Variants in REEP1 observed in about 807,000 individuals in gnomAD.
REEP1 encodes receptor expression-enhancing protein 1.
A neutral mutation model predicts 40.3 loss-of-function variants in REEP1; 22 were observed. The ratio of observed to expected loss-of-function variants is 0.55; its 90% CI spans 0.39 to 0.78. The LOEUF is 0.78. Among genes scored for constraint, REEP1 ranks in the 30% least tolerant of loss-of-function variants. The pLI, the probability that REEP1 is intolerant of heterozygous loss-of-function variation, is 0.00. For synonymous variants in REEP1, 116 were observed against 139.2 expected, an observed-to-expected ratio of 0.83 and a Z score of 1.17; for missense variants, 280 against 361.1, an observed-to-expected ratio of 0.78 and a Z score of 1.82.
intron 1 of REEP1, chr2:86,297,779 C>CCTCTT: frequency 1.0e-6 from 1 of 957,118 alleles, no homozygotes; most frequent in Non-Finnish European, 1.2e-6. Flanking sequence ...GAGGGAAATG[C>CCTCTT]CTCTTCCCAG....
At chr2:86,273,281 C>T (rs139030177) in intron 2 of REEP1, among the ~76,000 whole-genome samples, 3,966 of 149,432 alleles carry the variant, frequency 0.027, 93 homozygotes, top group Non-Finnish European at 0.038. Flanking sequence ...CTGGCCCCTA[C>T]CTTTTTTTTT....
Position 86,337,219 on chromosome 2 carries a change from C to A in REEP1, c.32+260G>T. 4.7e-6 allele frequency: 1 copy of A among 214,790 alleles called. No homozygotes were observed. Among genetic ancestry groups the A allele is most frequent in the Non-Finnish European group, 9.1e-6 (1 of 109,706 alleles). 13.3% of individuals were successfully genotyped at this position (214,790 alleles called of 1,614,324 possible). On this transcript the variant is annotated intron_variant, in intron 1 of 8. Transcript: ENST00000538924. The surrounding 1 kb of genome is among the most constrained non-coding windows in gnomAD (Gnocchi z 5.8). ...CGAGACGCAGCCCCCACGGAACCCCCGAGCGCCCCAGCCCTCGCCGTCCCG... is the reference window on the plus strand; with the variant it reads ...CGAGACGCAGCCCCCACGGAACCCCAGAGCGCCCCAGCCCTCGCCGTCCCG...
chr2:86,221,755 A>G (rs1256636121), intron 7 of REEP1, among the ~76,000 whole-genome samples: 1 of 152,178 alleles, frequency 6.6e-6, no homozygotes, highest in East Asian at 1.9e-4. Context: ...ACTAAACTAA[A>G]TAGAATCCTG....
intron 1 of REEP1, among the ~76,000 whole-genome samples, chr2:86,303,565 A>C (rs578092178): frequency 1.2e-4 from 18 of 151,652 alleles, no homozygotes; most frequent in Non-Finnish European, 2.4e-4. Flanking sequence ...GGGTCTTGCT[A>C]TGTTTCCCAG....
chr2:86,318,481 C>G (rs1249637583), intron 1 of REEP1, among the ~76,000 whole-genome samples: 2 of 150,972 alleles, frequency 1.3e-5, no homozygotes, highest in African/African-American at 2.4e-5. Context: ...CCACTGCAAC[C>G]TCCGCCTCCC....
chr2:86,295,786 G>A (rs539231620), intron 1 of REEP1, among the ~76,000 whole-genome samples: 21 of 152,266 alleles, frequency 1.4e-4, no homozygotes, highest in Admixed American at 5.2e-4. Flanking sequence ...TGATCCGCCC[G>A]CCTTGGCCTC....
intron 6 of REEP1, among the ~76,000 whole-genome samples, chr2:86,230,386 C>T (rs1289515523): frequency 6.6e-6 from 1 of 152,234 alleles, no homozygotes; most frequent in African/African-American, 2.4e-5. Flanking sequence ...CAGCCCAGTG[C>T]ACAACCTCTC....
intron 1 of REEP1, among the ~76,000 whole-genome samples, chr2:86,288,739 A>G (rs1040438494): frequency 6.6e-6 from 1 of 152,142 alleles, no homozygotes; most frequent in African/African-American, 2.4e-5. Context: ...AGTGTCTAAG[A>G]TTTTAATACT....
chr2:86,258,748 C>T (rs1029149931), intron 3 of REEP1, among the ~76,000 whole-genome samples: 1 of 152,212 alleles, frequency 6.6e-6, no homozygotes, highest in African/African-American at 2.4e-5. Flanking sequence ...AATGAGAACT[C>T]CTTGAAGAGC....
chr2:86,320,090 C>T (rs1680211921), intron 1 of REEP1, among the ~76,000 whole-genome samples: 1 of 152,208 alleles, frequency 6.6e-6, no homozygotes, highest in Admixed American at 6.5e-5. Flanking sequence ...CACTAGGAAA[C>T]TAATTCAGAC....
In REEP1 at chr2:86,216,191, G is replaced by A. The variant is rs1674104279; in HGVS notation, c.*848C>T. 6.6e-6 allele frequency: 1 copy of A among 152,162 alleles called. No homozygotes were observed. 9.4% of individuals were successfully genotyped at this position (152,162 alleles called of 1,614,324 possible). A position where few individuals can be genotyped will look rare whatever the true frequency, so the allele number is the denominator to read the frequency against. ...CAGCTCTACATGTTCCCATCCTCAAGAAATTGCACCAAGAGTGAGCTACCT... is the reference window on the plus strand; with the variant it reads ...CAGCTCTACATGTTCCCATCCTCAAAAAATTGCACCAAGAGTGAGCTACCT... On this transcript the variant is annotated 3_prime_UTR_variant, in exon 9 of 9. Coordinates refer to ENST00000538924, the MANE Select transcript of REEP1 (RefSeq NM_001371279.1).
chr2:86,255,947 T>C (rs1012180965), intron 3 of REEP1, among the ~76,000 whole-genome samples: 1 of 152,098 alleles, frequency 6.6e-6, no homozygotes, highest in Non-Finnish European at 1.5e-5. Context: ...GTAGTAACCA[T>C]GTGTTTATGG....
intron 1 of REEP1, among the ~76,000 whole-genome samples, chr2:86,320,407 C>T (rs1224271902): frequency 6.6e-6 from 1 of 152,116 alleles, no homozygotes; most frequent in African/African-American, 2.4e-5. Context: ...ACCTTTGACC[C>T]AGGCCTAAAG....
chr2:86,217,106 G>C lies in REEP1; in HGVS notation c.788C>G (p.Pro263Arg). 1 of 1,613,804 alleles carries C rather than the reference G, an allele frequency of 6.2e-7. No homozygotes were observed. The part of the protein sequence containing the change: ...PRRMELPLEA[P>R]PRILRSRFRK... ...GAAGCGAGATCGAAGGATTCTAGGC[G>C]GTGCCTGGTAGAGAAAACAGAAAGG... The change falls in exon 9 of 9, where the codon CCG (proline) becomes CGG (arginine). Residue 263 changes from proline (P) to arginine (R), a missense_variant. Coordinates refer to ENST00000538924, the MANE Select transcript of REEP1 (RefSeq NM_001371279.1).
intron 2 of REEP1, among the ~76,000 whole-genome samples, chr2:86,272,538 G>A (rs995770431): frequency 6.6e-6 from 1 of 152,122 alleles, no homozygotes; most frequent in African/African-American, 2.4e-5. Context: ...TCTTCTCAGT[G>A]TCTTCATTTC....
At chr2:86,227,840 T>C (rs1252307077) in intron 6 of REEP1, among the ~76,000 whole-genome samples, 6 of 133,818 alleles carry the variant, frequency 4.5e-5, no homozygotes, top group African/African-American at 1.0e-4. Flanking sequence ...GTACACGCCA[T>C]TGGTCTTGGT....
rs373200217 is a variant in REEP1 at position 86,315,443 on chromosome 2, G to A, written c.32+22036C>T. The stretch of plus-strand genomic sequence containing the variant: ...AGAGACAAGTAATGTCCACCTGTAC[G>A]ACTGCTGCATTAATTAAATTATTAG... On this transcript the variant is annotated intron_variant, in intron 1 of 8. Coordinates refer to ENST00000538924, the MANE Select transcript of REEP1 (RefSeq NM_001371279.1). Among the ~76,000 whole-genome samples the A allele has an allele frequency of 9.3e-4, 142 of 152,278 alleles. 2 individuals carry two copies. Among genetic ancestry groups the A allele is most frequent in the South Asian group, 2.9e-3 (14 of 4,818 alleles).
At chr2:86,317,057 G>A (rs1001717360) in intron 1 of REEP1, among the ~76,000 whole-genome samples, 1 of 152,176 alleles carries the variant, frequency 6.6e-6, no homozygotes, top group African/African-American at 2.4e-5. Context: ...GGAGGCGGTC[G>A]AGGGTGCACC....
chr2:86,304,615 C>T (rs1430778093), intron 1 of REEP1, among the ~76,000 whole-genome samples: 1 of 152,186 alleles, frequency 6.6e-6, no homozygotes, highest in Non-Finnish European at 1.5e-5. Context: ...AAACAAAGAC[C>T]ATCTCCCTGC....
Sources: allele counts gnomAD v4.1 joint callset (sites outside exome capture counted in the v4.1 genomes callset), GRCh38; gene constraint gnomAD v4.1.1; non-coding constraint Gnocchi (gnomAD v3.1); transcripts MANE v1.5; gene names NCBI Gene and HGNC (gene_info 2026-07-23, HGNC 2026-07-21).